The following PLA2R1 variants were observed in gnomAD, a reference collection of about 807,000 sequenced individuals.
PLA2R1 encodes secretory phospholipase A2 receptor.
A neutral mutation model predicts 195.9 loss-of-function variants in PLA2R1; 158 were observed. The ratio of observed to expected loss-of-function variants is 0.81; its 90% CI spans 0.71 to 0.92. PLA2R1 has a LOEUF of 0.92. Among genes scored for constraint, PLA2R1 ranks in the 40% least tolerant of loss-of-function variants. The pLI is 0.00. For missense variants in PLA2R1, 1,626 were observed against 1,764.6 expected (o/e 0.92, Z 1.41); for synonymous variants, 586 against 598.2 (o/e 0.98, Z 0.30).
At chr2:159,984,186 A>C (rs952868811) in intron 12 of PLA2R1, 113 bp from the exon 13 acceptor site, 5 of 532,862 alleles carry the variant, frequency 9.4e-6, no homozygotes, top group African/African-American at 7.6e-5. Context: ...ATTTATAAAG[A>C]GCTTGATCTA....
chr2:159,924,769 A>G, the PLA2R1 span, among the ~76,000 whole-genome samples: 14 of 152,250 alleles, frequency 9.2e-5, no homozygotes, highest in East Asian at 2.5e-3. Context: ...AAAATAAAAA[A>G]TAAAAACACG....
downstream of PLA2R1, among the ~76,000 whole-genome samples, chr2:159,929,853 TG>T (rs1686547561): frequency 7.0e-6 from 1 of 143,414 alleles, no homozygotes; most frequent in Non-Finnish European, 1.5e-5. Context: ...ATTATATATT[TG>T]TGTGTGTGTG....
intron 2 of PLA2R1, among the ~76,000 whole-genome samples, chr2:160,042,472 T>C (rs1412070380): frequency 6.6e-6 from 1 of 152,204 alleles, no homozygotes; most frequent in Non-Finnish European, 1.5e-5. Context: ...TTCATATTTG[T>C]GGATGGATGA....
rs191982107 is a variant in PLA2R1, at chr2:160,001,798, C to T, written c.1834+3854G>A. Among the ~76,000 whole-genome samples, 645 of 151,792 alleles carry T rather than the reference C, an allele frequency of 4.2e-3. 3 individuals carry two copies. Among genetic ancestry groups the T allele is most frequent in the Admixed American group, 8.1e-3 (123 of 15,238 alleles). The stretch of plus-strand genomic sequence containing the variant: ...AACTTGTATGTTCCTAATAAAACAG[C>T]CTAAAAAGTATGTAATACAAAAATT... On this transcript the variant is annotated intron_variant, in intron 11 of 29. Coordinates refer to ENST00000283243, the MANE Select transcript of PLA2R1 (RefSeq NM_007366.5).
Position 159,942,006 on chromosome 2 carries a change from T to C in PLA2R1, c.4178-14A>G, listed in dbSNP as rs140273537. 3,545 of 1,605,744 alleles carry C rather than the reference T, an allele frequency of 2.2e-3. 22 individuals carry two copies. The highest frequency in any genetic ancestry group is 0.013 in the Middle Eastern group (80 of 6,024). On this transcript the variant is annotated splice_polypyrimidine_tract_variant and intron_variant, in intron 29 of 29. Coordinates refer to ENST00000283243, the MANE Select transcript of PLA2R1 (RefSeq NM_007366.5). ...TGTGACTTGGTCCTGAAAGAAGATA[T>C]TTTTCTTAAAAAAAGAAAAACTTCA... is the stretch of plus-strand genomic sequence containing the variant.
At chr2:160,053,686 C>T (rs1695358087) in intron 1 of PLA2R1, among the ~76,000 whole-genome samples, 1 of 152,222 alleles carries the variant, frequency 6.6e-6, no homozygotes, top group Non-Finnish European at 1.5e-5. Flanking sequence ...GGCCTCCAGT[C>T]CCCCAACTTC....
chr2:160,030,977 A>G (rs1488577795), intron 4 of PLA2R1, among the ~76,000 whole-genome samples: 1 of 152,224 alleles, frequency 6.6e-6, no homozygotes, highest in East Asian at 1.9e-4. Flanking sequence ...GATAATTGTA[A>G]TTCATAAATG....
chr2:160,008,913 G>A (rs2105411316), intron 10 of PLA2R1, among the ~76,000 whole-genome samples: 1 of 152,270 alleles, frequency 6.6e-6, no homozygotes, highest in Non-Finnish European at 1.5e-5. Flanking sequence ...TTTCTCCAAA[G>A]AAGATACACA....
At chr2:159,952,611 T>C (rs950519986) in intron 23 of PLA2R1, among the ~76,000 whole-genome samples, 3 of 152,168 alleles carry the variant, frequency 2.0e-5, no homozygotes, top group African/African-American at 7.2e-5. Context: ...TGGCCCTAAC[T>C]GGCTAAGAGC....
chr2:159,931,389 G>A (rs1047827178), downstream of PLA2R1, among the ~76,000 whole-genome samples: 9 of 152,084 alleles, frequency 5.9e-5, no homozygotes, highest in African/African-American at 2.2e-4. Context: ...AAATAATAAG[G>A]TGGGCATGGT....
At chr2:159,926,776 C>G in the PLA2R1 span, among the ~76,000 whole-genome samples, 1 of 152,106 alleles carries the variant, frequency 6.6e-6, no homozygotes, top group Non-Finnish European at 1.5e-5. Flanking sequence ...CCCCTTCCCC[C>G]CACCCAGCTC....
intron 1 of PLA2R1, among the ~76,000 whole-genome samples, chr2:160,055,395 C>T (rs967600550): frequency 4.6e-5 from 7 of 152,224 alleles, no homozygotes; most frequent in Admixed American, 2.0e-4. Flanking sequence ...AGTAGAATGG[C>T]TCATTGCCTA....
At chr2:160,046,946 G>A (rs1694910039) in intron 1 of PLA2R1, among the ~76,000 whole-genome samples, 1 of 152,092 alleles carries the variant, frequency 6.6e-6, no homozygotes, top group South Asian at 2.1e-4. Context: ...AATTTCTGTT[G>A]TAACCTACTA....
In PLA2R1 at chr2:160,009,888, G is replaced by A. The variant is rs572221262; in HGVS notation, c.1664+3375C>T. ...TTTGAGAGGCCGAGGCAGGAGGATT[G>A]CTTGAGCCCAGGAGTTCAAGACCAG... On this transcript the variant is annotated intron_variant, in intron 10 of 29. Coordinates refer to ENST00000283243, the MANE Select transcript of PLA2R1 (RefSeq NM_007366.5). Among the ~76,000 whole-genome samples the A allele has an allele frequency of 1.3e-4, 20 of 152,050 alleles. 1 individual carries two copies. In the South Asian group the frequency reaches 4.2e-3, roughly 32 times the overall value.
chr2:159,963,071 A>G (rs1452829946), intron 20 of PLA2R1, among the ~76,000 whole-genome samples: 1 of 152,192 alleles, frequency 6.6e-6, no homozygotes, highest in African/African-American at 2.4e-5. Context: ...GGCATGAGTT[A>G]GTAACTAGGA....
the PLA2R1 span, among the ~76,000 whole-genome samples, chr2:159,924,727 G>A: frequency 6.8e-5 from 6 of 88,164 alleles, no homozygotes; most frequent in Non-Finnish European, 1.6e-4. Context: ...TACTCTGGGG[G>A]CTGGGGGGGG....
intron 2 of PLA2R1, 47 bp downstream of exon 2, chr2:160,044,727 C>T (rs1446122240): frequency 2.1e-5 from 32 of 1,531,120 alleles, no homozygotes; most frequent in Non-Finnish European, 2.9e-5. Flanking sequence ...TATAGGCAAA[C>T]CTTAAAAAAA....
chr2:159,967,310 T>A (rs1481373562), intron 20 of PLA2R1, among the ~76,000 whole-genome samples: 1 of 152,078 alleles, frequency 6.6e-6, no homozygotes, highest in Admixed American at 6.6e-5. Flanking sequence ...ACAGTAAAAC[T>A]GAGTATAGAA....
chr2:159,975,448 C>G (rs960857860), intron 17 of PLA2R1, among the ~76,000 whole-genome samples: 3 of 152,070 alleles, frequency 2.0e-5, no homozygotes, highest in Non-Finnish European at 4.4e-5. Context: ...AATTAAGTAG[C>G]CTTTCTCTAC....
Sources: allele counts gnomAD v4.1 joint callset (sites outside exome capture counted in the v4.1 genomes callset), GRCh38; gene constraint gnomAD v4.1.1; transcripts MANE v1.5; gene names NCBI Gene and HGNC (gene_info 2026-07-23, HGNC 2026-07-21).